SAMD12: variants seen among roughly 807,000 people sequenced by gnomAD.
SAMD12 encodes sterile alpha motif domain containing 12, also known as sterile alpha motif domain-containing protein 12.
Under a neutral mutation model 15.0 loss-of-function variants are expected in SAMD12, and 9 were observed. The observed-to-expected ratio is 0.60, with a 90% CI of 0.36 to 1.05. SAMD12 has a LOEUF of 1.05. Among genes scored for constraint, SAMD12 ranks in the 50% least tolerant of loss-of-function variants. The pLI is 0.01. For synonymous variants in SAMD12, 86 were observed against 90.1 expected, an observed-to-expected ratio of 0.96 and a Z score of 0.25; for missense variants, 230 against 234.2, an observed-to-expected ratio of 0.98 and a Z score of 0.12.
chr8:118,303,119 T>C (rs1815134902), intron 4 of SAMD12, among the ~76,000 whole-genome samples: 1 of 152,222 alleles, frequency 6.6e-6, no homozygotes, highest in Admixed American at 6.5e-5. Flanking sequence ...AAAGATATGT[T>C]TTCATTTGTG....
At chr8:118,437,594 A>G (rs959517622) in intron 3 of SAMD12, among the ~76,000 whole-genome samples, 4 of 152,038 alleles carry the variant, frequency 2.6e-5, no homozygotes, top group African/African-American at 9.7e-5. Flanking sequence ...TATTTTGGAG[A>G]TGAGGTAGTG....
chr8:118,437,450 C>T (rs1321254111), intron 3 of SAMD12, among the ~76,000 whole-genome samples: 1 of 152,150 alleles, frequency 6.6e-6, no homozygotes, highest in Non-Finnish European at 1.5e-5. Flanking sequence ...TCGACACTTC[C>T]AGGTGAGTCC....
the SAMD12 span, among the ~76,000 whole-genome samples, chr8:118,142,311 C>T: frequency 6.6e-6 from 1 of 152,184 alleles, no homozygotes; most frequent in Non-Finnish European, 1.5e-5. Flanking sequence ...CACATTCCCC[C>T]TTTACCTCTA....
intron 4 of SAMD12, among the ~76,000 whole-genome samples, chr8:118,219,260 A>G (rs1021094833): frequency 1.3e-5 from 2 of 152,186 alleles, no homozygotes; most frequent in African/African-American, 4.8e-5. Context: ...GTTCACATCT[A>G]GACGCAAATT....
At chr8:118,255,925 T>A (rs976552719) in intron 4 of SAMD12, among the ~76,000 whole-genome samples, 2 of 151,988 alleles carry the variant, frequency 1.3e-5, no homozygotes, top group African/African-American at 2.4e-5. Flanking sequence ...CTGAGGAATC[T>A]CCACACTGAC....
At chr8:118,347,498 G>A (rs1432115406) in intron 4 of SAMD12, among the ~76,000 whole-genome samples, 1 of 152,194 alleles carries the variant, frequency 6.6e-6, no homozygotes, top group Non-Finnish European at 1.5e-5. Flanking sequence ...TCTCAAATAT[G>A]TGTAAAATGT....
chr8:118,280,314 T>G (rs1813588006), intron 4 of SAMD12, among the ~76,000 whole-genome samples: 1 of 152,186 alleles, frequency 6.6e-6, no homozygotes, highest in Non-Finnish European at 1.5e-5. Context: ...TGCCATTTTG[T>G]TGCCAAGCAA....
At chr8:118,554,125 T>C (rs567093959) in intron 2 of SAMD12, among the ~76,000 whole-genome samples, 6 of 151,964 alleles carry the variant, frequency 3.9e-5, no homozygotes, top group Admixed American at 6.6e-5. Flanking sequence ...GTCAGTGTGG[T>C]GATTCCTCAG....
At chr8:118,393,656 G>A (rs923843688) in intron 3 of SAMD12, among the ~76,000 whole-genome samples, 2 of 151,400 alleles carry the variant, frequency 1.3e-5, no homozygotes, top group East Asian at 1.9e-4. Flanking sequence ...TGGAGTGCAG[G>A]GATGCAATCT....
At position 118,621,892 on chromosome 8, in the gene SAMD12, T is replaced by C; in HGVS notation, c.-76A>G. 4.0e-6 allele frequency: 6 copies of C among 1,511,310 alleles called. No individual in the cohort carries two copies. Among genetic ancestry groups the C allele is most frequent in the South Asian group, 1.1e-5 (1 of 89,016 alleles). 93.6% of individuals were successfully genotyped at this position (1,511,310 alleles called of 1,614,324 possible). On this transcript the variant is annotated 5_prime_UTR_variant, in exon 1 of 4. Transcript: ENST00000314727. ...CTCCTGCCCCGCGCTCCCCCCTTCC[T>C]CTCGCTTTCGCCTAAATATTCTGCG...
chr8:118,590,197 T>G (rs556141051), intron 1 of SAMD12, among the ~76,000 whole-genome samples: 8 of 152,244 alleles, frequency 5.3e-5, no homozygotes, highest in Non-Finnish European at 7.4e-5. Context: ...GTAGGAAACA[T>G]GTAGATAATA....
At chr8:118,287,482 G>A (rs1436222583) in intron 4 of SAMD12, among the ~76,000 whole-genome samples, 2 of 152,178 alleles carry the variant, frequency 1.3e-5, no homozygotes, top group Non-Finnish European at 2.9e-5. Context: ...CGAGCAAAGA[G>A]CTAGGGCGAG....
chr8:118,221,199 T>C (rs146042602), intron 4 of SAMD12, among the ~76,000 whole-genome samples: 39 of 152,260 alleles, frequency 2.6e-4, no homozygotes, highest in African/African-American at 8.9e-4. Context: ...CCTCTATTAA[T>C]TAAAACGATC....
the SAMD12 span, among the ~76,000 whole-genome samples, chr8:118,169,777 A>C: frequency 6.6e-6 from 1 of 152,234 alleles, no homozygotes; most frequent in Non-Finnish European, 1.5e-5. Flanking sequence ...TCCTGCTTCT[A>C]AAGTGCTACC....
intron 4 of SAMD12, among the ~76,000 whole-genome samples, chr8:118,308,044 T>A (rs1015232495): frequency 3.3e-5 from 5 of 152,228 alleles, no homozygotes; most frequent in African/African-American, 9.6e-5. Flanking sequence ...AGAGAGAACA[T>A]CAGGCCTCAT....
chr8:118,504,996 C>T (rs1485957735), intron 2 of SAMD12, among the ~76,000 whole-genome samples: 2 of 152,228 alleles, frequency 1.3e-5, no homozygotes, highest in African/African-American at 2.4e-5. Flanking sequence ...TCTGGCCAGA[C>T]ATTGACTTTG....
At chr8:118,276,904 C>G (rs1037846498) in intron 4 of SAMD12, among the ~76,000 whole-genome samples, 4 of 152,094 alleles carry the variant, frequency 2.6e-5, no homozygotes, top group Middle Eastern at 3.2e-3. Context: ...AACTCCTGAC[C>G]TCAGGTGATC....
chr8:118,435,078 G>C (rs1822539489), intron 3 of SAMD12, among the ~76,000 whole-genome samples: 1 of 24,568 alleles, frequency 4.1e-5, no homozygotes, highest in Non-Finnish European at 1.3e-4. Context: ...ACTCCAGCCT[G>C]GGCGACAGAG....
the SAMD12 span, among the ~76,000 whole-genome samples, chr8:118,144,084 C>T: frequency 6.6e-6 from 1 of 152,110 alleles, no homozygotes; most frequent in African/African-American, 2.4e-5. Flanking sequence ...CTGCATCTCT[C>T]CAGTTTCTGC....
Sources: allele counts gnomAD v4.1 joint callset (sites outside exome capture counted in the v4.1 genomes callset), GRCh38; gene constraint gnomAD v4.1.1; transcripts MANE v1.5; gene names NCBI Gene and HGNC (gene_info 2026-07-23, HGNC 2026-07-21).